VIL1: variants seen among roughly 807,000 people sequenced by gnomAD.
VIL1 encodes the protein villin-1.
In VIL1, 86 loss-of-function variants were observed where a neutral mutation model predicts 104.0. That is an observed-to-expected ratio of 0.83 (90% CI 0.69 to 0.99). The LOEUF (loss-of-function observed/expected upper bound fraction) is 0.99. Ranked by LOEUF, VIL1 falls within the 50% of genes least tolerant of loss-of-function variation. The pLI, the probability that VIL1 is intolerant of heterozygous loss-of-function variation, is 0.00. For synonymous variants in VIL1, 394 were observed against 412.6 expected, an observed-to-expected ratio of 0.95 and a Z score of 0.55; for missense variants, 944 against 1,054.1, an observed-to-expected ratio of 0.90 and a Z score of 1.45.
intron 19 of VIL1, among the ~76,000 whole-genome samples, chr2:218,444,433 T>C (rs1237036825): frequency 2.0e-5 from 3 of 151,966 alleles, no homozygotes; most frequent in Non-Finnish European, 2.9e-5. Context: ...GCGCCCGCCA[T>C]CACGCCCGGC....
In VIL1 at chr2:218,449,420, G is replaced by A. The variant is rs911888660; in HGVS notation, c.*84G>A. The A allele has an allele frequency of 2.5e-6, 3 of 1,204,542 alleles. No homozygotes were observed. Among genetic ancestry groups the A allele is most frequent in the African/African-American group, 3.0e-5 (2 of 66,680 alleles). The allele number at this position is 1,204,542 out of a possible 1,614,324, so 74.6% of individuals were successfully genotyped here. On this transcript the variant is annotated 3_prime_UTR_variant, in exon 20 of 20. Coordinates refer to ENST00000248444, the MANE Select transcript of VIL1 (RefSeq NM_007127.3). ...CACCGATATTAGTCCTACACCAATTGAAGTGAAATTTTGCAGATGTGCCTA... is the reference window on the plus strand; with the variant it reads ...CACCGATATTAGTCCTACACCAATTAAAGTGAAATTTTGCAGATGTGCCTA...
intron 10 of VIL1, among the ~76,000 whole-genome samples, chr2:218,431,574 G>A (rs1345600751): frequency 6.6e-6 from 1 of 152,146 alleles, no homozygotes; most frequent in African/African-American, 2.4e-5. Context: ...AAGGCTTGAA[G>A]TCTGAATGCT....
At chr2:218,441,351 T>C (rs1689281138) in intron 19 of VIL1, among the ~76,000 whole-genome samples, 1 of 150,252 alleles carries the variant, frequency 6.7e-6, no homozygotes, top group African/African-American at 2.5e-5. Flanking sequence ...ATCATGCCAC[T>C]GCACTCCACC....
Position 218,425,777 on chromosome 2 carries a change from G to A in VIL1, c.313G>A (p.Glu105Lys), listed in dbSNP as rs983964599. ...CCGCGAGGTCCAGGGCAACGAGAGCGAGGCCTTCCGAGGCTACTTCAAGCA... is the reference window on the plus strand; with the variant it reads ...CCGCGAGGTCCAGGGCAACGAGAGCAAGGCCTTCCGAGGCTACTTCAAGCA... ...QHREVQGNES[E>K]AFRGYFKQGL... The change falls in exon 4 of 20, where the codon GAG (glutamate) becomes AAG (lysine). Residue 105 changes from glutamate (E) to lysine (K), a missense_variant. Transcript: ENST00000248444. The A allele has an allele frequency of 7.4e-6, 12 of 1,612,400 alleles. No homozygotes were observed. The highest frequency in any genetic ancestry group is 2.2e-5 in the South Asian group (2 of 90,848).
Position 218,438,712 on chromosome 2 carries a change from A to G in VIL1, c.2215A>G (p.Ser739Gly). Residue 739 changes from serine (S) to glycine (G), a missense_variant, in exon 18 of 20, where the codon AGC (serine) becomes GGC (glycine). Ser to Gly is a moderately conservative substitution (Grantham distance 56). Transcript: ENST00000248444. The stretch of plus-strand genomic sequence containing the variant: ...GGAGCTTGGCAACTCTAGGGACTGG[A>G]GCCAGATCACTGCTGTGAGTCCGGG... ...KAELGNSRDW[S>G]QITAEVTSPK... 6.2e-7 allele frequency: 1 copy of G among 1,612,122 alleles called. No individual in the cohort carries two copies. Among genetic ancestry groups the G allele is most frequent in the Non-Finnish European group, 8.5e-7 (1 of 1,179,590 alleles).
intron 12 of VIL1, 34 bp downstream of exon 12, chr2:218,432,217 C>T: frequency 1.2e-6 from 2 of 1,601,312 alleles, no homozygotes; most frequent in Non-Finnish European, 1.7e-6. Context: ...CAGAGCACAG[C>T]CGGCTTAGCT....
Position 218,424,293 on chromosome 2 carries a change from C to G in VIL1, c.92C>G (p.Pro31Arg), listed in dbSNP as rs1419028871. The G allele has an allele frequency of 1.2e-6, 2 of 1,614,080 alleles. No individual in the cohort carries two copies. The highest frequency in any genetic ancestry group is 1.7e-6 in the Non-Finnish European group (2 of 1,180,018). The stretch of plus-strand genomic sequence containing the variant: ...TCTCCTTAGGCCATGCAGATGGTGC[C>G]TGTTCCTTCCAGCACCTTTGGAAGC... The part of the protein sequence containing the change: ...IWRIEAMQMV[P>R]VPSSTFGSFF... The change falls in exon 3 of 20, where the codon CCT becomes CGT. Residue 31 changes from proline to arginine, a missense_variant. By Grantham distance (103) the Pro-to-Arg change is moderately radical. Transcript: ENST00000248444.
intron 14 of VIL1, 110 bp downstream of exon 14, chr2:218,434,815 C>T (rs569614901): frequency 8.3e-7 from 1 of 1,199,760 alleles, no homozygotes; most frequent in African/African-American, 1.5e-5. Flanking sequence ...TAAGTTGTGC[C>T]TGCTCAATTC....
At chr2:218,436,648 C>A in intron 16 of VIL1, 22 bp downstream of exon 16, 1 of 1,606,616 alleles carries the variant, frequency 6.2e-7, no homozygotes, top group African/African-American at 1.3e-5. Context: ...GGCCTGGGGA[C>A]CCCTCTTCCC....
intron 15 of VIL1, among the ~76,000 whole-genome samples, chr2:218,435,635 T>G (rs1689177079): frequency 6.6e-6 from 1 of 152,228 alleles, no homozygotes; most frequent in African/African-American, 2.4e-5. Flanking sequence ...GTGTCTGTGC[T>G]GCTCACTACA....
At chr2:218,432,713 G>A (rs1242117835) in intron 12 of VIL1, 80 bp from the exon 13 acceptor site, 1 of 1,567,446 alleles carries the variant, frequency 6.4e-7, no homozygotes, top group Non-Finnish European at 8.7e-7. Flanking sequence ...ACTTGAGGAT[G>A]GAGTTGTTGC....
intron 1 of VIL1, 40 bp from the exon 2 acceptor site, chr2:218,423,728 G>A (rs778236461): frequency 3.7e-6 from 6 of 1,605,936 alleles, no homozygotes; most frequent in South Asian, 2.2e-5. Context: ...GGCAGCATCC[G>A]AACTCAGGGT....
chr2:218,445,134 C>T (rs1689344081), intron 19 of VIL1, among the ~76,000 whole-genome samples: 1 of 152,200 alleles, frequency 6.6e-6, no homozygotes, highest in South Asian at 2.1e-4. Context: ...TGCGGTGGCT[C>T]ATGCCTGTAA....
At chr2:218,423,746 C>G (rs1316074718) in intron 1 of VIL1, 22 bp from the exon 2 acceptor site, 1 of 1,613,112 alleles carries the variant, frequency 6.2e-7, no homozygotes, top group Admixed American at 1.7e-5. Flanking sequence ...GGTGCCCCTG[C>G]TCCCAACGCC....
intron 4 of VIL1, 52 bp from the exon 5 acceptor site, chr2:218,427,913 C>A: frequency 1.9e-6 from 3 of 1,553,518 alleles, no homozygotes; most frequent in Non-Finnish European, 2.7e-6. Flanking sequence ...AGAACAGGGG[C>A]CAGGCACACC....
At chr2:218,447,795 T>A (rs774723347) in intron 19 of VIL1, among the ~76,000 whole-genome samples, 11 of 151,886 alleles carry the variant, frequency 7.2e-5, no homozygotes, top group Non-Finnish European at 1.3e-4. Context: ...TGGCACAATC[T>A]CAGCTCACTG....
At position 218,437,264 on chromosome 2, in the gene VIL1, C is replaced by T. The variant is rs1208802304; in HGVS notation, c.2112C>T (p.Pro704=). The change falls in exon 17 of 20, where the codon CCC becomes CCT. Residue 704 remains proline, a synonymous_variant. Coordinates refer to ENST00000248444, the MANE Select transcript of VIL1 (RefSeq NM_007127.3). ...PIIVVKQGHE[P]PTFTGWFLAW... ...TTGTGGTGAAGCAGGGACACGAGCC[C>T]CCCACCTTCACAGGCTGGTTCCTGG... is the stretch of plus-strand genomic sequence containing the variant. 3.1e-6 allele frequency: 5 copies of T among 1,614,066 alleles called. No homozygotes were observed. The highest frequency in any genetic ancestry group is 4.2e-6 in the Non-Finnish European group (5 of 1,180,044).
chr2:218,434,589 G>T lies in VIL1; in HGVS notation c.1564G>T (p.Gly522Ter), dbSNP rs1362460073. Reference sequence around the variant, plus strand: ...CTCCACACGGCTGTTCCAGGTCCAGGGAACTGGCGCCAACAACACCAAGGC... The same window carrying T: ...CTCCACACGGCTGTTCCAGGTCCAGTGAACTGGCGCCAACAACACCAAGGC... ...GPSTRLFQVQ[G>*]TGANNTKAFE... Residue 522 changes from glycine to a stop codon, truncating the protein, a stop_gained, in exon 14 of 20, where the codon GGA becomes TGA. Transcript: ENST00000248444. LOFTEE classifies it high-confidence loss of function. 2 of 1,614,096 alleles carry T rather than the reference G, an allele frequency of 1.2e-6. No individual in the cohort carries two copies. Among genetic ancestry groups the T allele is most frequent in the Non-Finnish European group, 1.7e-6 (2 of 1,180,000 alleles).
chr2:218,431,413 G>C (rs1689096777), intron 10 of VIL1, among the ~76,000 whole-genome samples: 1 of 151,570 alleles, frequency 6.6e-6, no homozygotes, highest in Non-Finnish European at 1.5e-5. Context: ...TTGGGATGGG[G>C]TTGGGCCTCC....
Sources: allele counts gnomAD v4.1 joint callset (sites outside exome capture counted in the v4.1 genomes callset), GRCh38; gene constraint gnomAD v4.1.1; transcripts MANE v1.5; gene names NCBI Gene and HGNC (gene_info 2026-07-23, HGNC 2026-07-21).